The following ATP10D variants were observed in gnomAD, a reference collection of about 807,000 sequenced individuals.
ATP10D encodes the protein phospholipid-transporting ATPase VD.
In ATP10D, 89 loss-of-function variants were observed where a neutral mutation model predicts 144.8. The observed-to-expected ratio is 0.61, with a 90% CI of 0.52 to 0.73. The LOEUF (loss-of-function observed/expected upper bound fraction) is 0.73, where lower values mean the gene tolerates loss of function less well. Among genes scored for constraint, ATP10D ranks in the 30% least tolerant of loss-of-function variants. The pLI, the probability that ATP10D is intolerant of heterozygous loss-of-function variation, is 0.00. For missense variants in ATP10D, 1,603 were observed against 1,714.8 expected (o/e 0.93, Z 1.15); for synonymous variants, 571 against 615.1 (o/e 0.93, Z 1.06).
intron 14 of ATP10D, among the ~76,000 whole-genome samples, chr4:47,561,784 C>T (rs2109452373): frequency 6.6e-6 from 1 of 152,252 alleles, no homozygotes; most frequent in African/African-American, 2.4e-5. Context: ...GTGGCTTGGG[C>T]ATTGGAATTT....
intron 3 of ATP10D, among the ~76,000 whole-genome samples, chr4:47,521,860 C>A (rs1240529454): frequency 6.6e-6 from 1 of 152,108 alleles, no homozygotes; most frequent in Non-Finnish European, 1.5e-5. Context: ...CAAAGATTTC[C>A]TTTGTTGGTT....
intron 1 of ATP10D, among the ~76,000 whole-genome samples, chr4:47,490,526 A>G (rs539313373): frequency 3.9e-5 from 6 of 152,370 alleles, no homozygotes; most frequent in Admixed American, 2.0e-4. Context: ...GAGAAGAAGT[A>G]TGGTGGTCCC....
At position 47,568,862 on chromosome 4, in the gene ATP10D, C is replaced by T. The variant is rs1410227429; in HGVS notation, c.2879C>T (p.Thr960Ile). 4 of 1,613,934 alleles carry T rather than the reference C, an allele frequency of 2.5e-6. No homozygotes were observed. The African/African-American group carries it at 4.0e-5, about 16-fold the overall frequency. Residue 960 changes from threonine (T) to isoleucine (I), a missense_variant, in exon 16 of 23, where the codon ACA becomes ATA. Physicochemically the swap from Thr to Ile is moderately conservative, Grantham distance 89 (BLOSUM62 -1). Transcript: ENST00000273859. ...GATGCCTGTGGGATGCTGATGAGCA[C>T]AATTTTGAAAGAACTTCAGAAGAAA... ...SKDACGMLMS[T>I]ILKELQKKTQ...
At chr4:47,543,394 TCA>T (rs1718258119) in intron 9 of ATP10D, among the ~76,000 whole-genome samples, 1 of 152,198 alleles carries the variant, frequency 6.6e-6, no homozygotes, top group Non-Finnish European at 1.5e-5. Context: ...CAAGGATTTA[TCA>T]GTCTCAGCAC....
Position 47,512,786 on chromosome 4 carries a change from A to C in ATP10D, c.246A>C (p.Thr82=). The change falls in exon 2 of 23, where the codon ACA becomes ACC. Residue 82 remains threonine (T), a synonymous_variant. Transcript: ENST00000273859. ...ATCGAATACGAACAACAAAGTACACACTTCTGAATTTTGTGCCAAGAAATT... is the reference window on the plus strand; with the variant it reads ...ATCGAATACGAACAACAAAGTACACCCTTCTGAATTTTGTGCCAAGAAATT... ...VNNRIRTTKY[T]LLNFVPRNLF... The C allele has an allele frequency of 6.2e-7, 1 of 1,604,504 alleles. No individual in the cohort carries two copies.
chr4:47,529,422 C>T (rs1375500906), intron 5 of ATP10D, among the ~76,000 whole-genome samples: 1 of 152,100 alleles, frequency 6.6e-6, no homozygotes, highest in Non-Finnish European at 1.5e-5. Context: ...TTATTTTTGT[C>T]AACTTTGTCA....
intron 1 of ATP10D, among the ~76,000 whole-genome samples, chr4:47,511,285 GT>G (rs149123886): frequency 0.12 from 18,704 of 151,288 alleles, 1,342 homozygotes; most frequent in Non-Finnish European, 0.16. Context: ...CAAAAGAACT[GT>G]TTTTTTTTCT....
intron 6 of ATP10D, 85 bp from the exon 7 acceptor site, chr4:47,535,817 T>C (rs1449565880): frequency 6.9e-7 from 1 of 1,451,400 alleles, no homozygotes; most frequent in Admixed American, 2.4e-5. Flanking sequence ...TTTATTAAAT[T>C]GTCTGCAAGA....
intron 1 of ATP10D, among the ~76,000 whole-genome samples, chr4:47,498,568 T>C (rs147122508): frequency 2.6e-5 from 4 of 152,354 alleles, no homozygotes; most frequent in African/African-American, 9.6e-5. Flanking sequence ...GGAACCTACC[T>C]ACTTCTTCAT....
rs926571499 is a variant in ATP10D at position 47,542,726 on chromosome 4, A to G, written c.1397-3898A>G. On this transcript the variant is annotated intron_variant, in intron 9 of 22. Coordinates refer to ENST00000273859, the MANE Select transcript of ATP10D (RefSeq NM_020453.4). ...ACTCCTGACCTCAGGTGATCCACCCACCTCGGCCTCCCAAAGTGCTGGGAT... is the reference window on the plus strand; with the variant it reads ...ACTCCTGACCTCAGGTGATCCACCCGCCTCGGCCTCCCAAAGTGCTGGGAT... Among the ~76,000 whole-genome samples the G allele has an allele frequency of 8.1e-5, 12 of 148,594 alleles. No individual in the cohort carries two copies. The East Asian group carries it at 8.3e-4, about 10-fold the overall frequency.
intron 9 of ATP10D, among the ~76,000 whole-genome samples, chr4:47,542,484 G>C (rs1205142625): frequency 6.6e-6 from 1 of 152,032 alleles, no homozygotes; most frequent in East Asian, 1.9e-4. Context: ...AACTTTACTG[G>C]TCTATTTCCT....
intron 9 of ATP10D, among the ~76,000 whole-genome samples, chr4:47,543,469 G>C (rs2109431736): frequency 6.6e-6 from 1 of 152,276 alleles, no homozygotes; most frequent in East Asian, 1.9e-4. Context: ...ATGTTTAGAA[G>C]TATCCTTGGC....
chr4:47,507,349 A>G (rs1716072484), intron 1 of ATP10D, among the ~76,000 whole-genome samples: 1 of 152,176 alleles, frequency 6.6e-6, no homozygotes. Flanking sequence ...CCAGAAATTG[A>G]CATTGGCCTC....
In ATP10D at chr4:47,576,595, C is replaced by T. The variant is rs565192394; in HGVS notation, c.3367-178C>T. Among the ~76,000 whole-genome samples the T allele has an allele frequency of 5.9e-5, 9 of 152,228 alleles. No homozygotes were observed. The South Asian group carries it at 1.9e-3, about 32-fold the overall frequency. ...GAGTGTGTGTACATACATGTGTGCA[C>T]TTTAATTTAATAAAATATTTACCAA... On this transcript the variant is annotated intron_variant, in intron 18 of 22. Transcript: ENST00000273859.
At chr4:47,515,359 C>A in intron 2 of ATP10D, 117 bp from the exon 3 acceptor site, 1 of 746,422 alleles carries the variant, frequency 1.3e-6, no homozygotes, top group Non-Finnish European at 2.2e-6. Context: ...GTTCTATATT[C>A]TGTAACATAC....
chr4:47,493,711 G>C (rs891561911), intron 1 of ATP10D, among the ~76,000 whole-genome samples: 1 of 152,202 alleles, frequency 6.6e-6, no homozygotes, highest in South Asian at 2.1e-4. Flanking sequence ...GGCCCCATCA[G>C]TATCACTTGA....
intron 5 of ATP10D, among the ~76,000 whole-genome samples, chr4:47,526,763 A>G (rs1245273493): frequency 6.6e-6 from 1 of 152,174 alleles, no homozygotes; most frequent in Non-Finnish European, 1.5e-5. Context: ...ACAATTTATT[A>G]TAGCATCAGA....
chr4:47,541,340 A>G (rs1226934981), intron 9 of ATP10D, among the ~76,000 whole-genome samples: 1 of 152,166 alleles, frequency 6.6e-6, no homozygotes, highest in Non-Finnish European at 1.5e-5. Context: ...TTGTCATAAG[A>G]TATAAAGTCA....
At chr4:47,488,401 T>C (rs1714882826) in intron 1 of ATP10D, among the ~76,000 whole-genome samples, 1 of 152,006 alleles carries the variant, frequency 6.6e-6, no homozygotes, top group South Asian at 2.1e-4. Flanking sequence ...GCAGTTCCTG[T>C]TTGCATACAA....
Sources: gnomAD v4.1 joint callset for allele counts (sites outside exome capture counted in the v4.1 genomes callset) on GRCh38, gnomAD v4.1.1 for gene constraint, MANE v1.5 for transcripts, NCBI Gene and HGNC (gene_info 2026-07-23, HGNC 2026-07-21) for gene names.